The following EYS variants were observed in gnomAD, a reference collection of about 807,000 sequenced individuals.
EYS encodes the protein EGF-like photoreceptor maintenance factor, also known as protein eyes shut homolog.
EYS carries 250 observed loss-of-function variants against 282.1 expected under a neutral mutation model. That is an observed-to-expected ratio of 0.89 (90% CI 0.80 to 0.98). The LOEUF (loss-of-function observed/expected upper bound fraction) is 0.98. EYS is among the 50% of genes least tolerant of loss of function. The probability of loss-of-function intolerance (pLI) is 0.00; values close to 1 mark genes in which losing one functional copy is unlikely to be tolerated. For missense variants in EYS, 4,016 were observed against 3,709.0 expected (o/e 1.08, Z -2.15); for synonymous variants, 1,355 against 1,282.9 (o/e 1.06, Z -1.20).
chr6:65,296,986 G>A (rs1032114883), intron 11 of EYS, among the ~76,000 whole-genome samples: 1 of 151,574 alleles, frequency 6.6e-6, no homozygotes, highest in Non-Finnish European at 1.5e-5. Flanking sequence ...AAATACAGAC[G>A]TGCACAGAAA....
chr6:63,891,381 ATCCACG>A, intron 35 of EYS, among the ~76,000 whole-genome samples: 1 of 152,292 alleles, frequency 6.6e-6, no homozygotes, highest in Non-Finnish European at 1.5e-5. Flanking sequence ...TAAAAAGCTT[ATCCACG>A]ACCATCAAGT....
Position 63,720,584 on chromosome 6 carries a change from T to C in EYS, c.*12A>G. On this transcript the variant is annotated 3_prime_UTR_variant, in exon 43 of 43. Coordinates refer to ENST00000503581, the MANE Select transcript of EYS (RefSeq NM_001142800.2). ...TTTATGTATAGTGTGTACTAAAATC[T>C]CTAGTGTTAACTTATGTAACCTCAT... is the stretch of plus-strand genomic sequence containing the variant. The C allele has an allele frequency of 6.9e-7, 1 of 1,448,418 alleles. No homozygotes were observed. Among genetic ancestry groups the C allele is most frequent in the Non-Finnish European group, 9.2e-7 (1 of 1,091,686 alleles). The allele number at this position is 1,448,418 out of a possible 1,614,324, so 89.7% of individuals were successfully genotyped here.
intron 36 of EYS, among the ~76,000 whole-genome samples, chr6:63,820,249 CT>C (rs1771287385): frequency 1.3e-5 from 2 of 152,150 alleles, no homozygotes; most frequent in Non-Finnish European, 2.9e-5. Context: ...GCACCTTTTA[CT>C]TGTTGGCCAA....
At chr6:63,741,101 G>A (rs1769064231) in intron 41 of EYS, among the ~76,000 whole-genome samples, 1 of 152,154 alleles carries the variant, frequency 6.6e-6, no homozygotes, top group South Asian at 2.1e-4. Flanking sequence ...TAGCTTCAGG[G>A]ATGGTCAGAG....
chr6:64,599,227 C>G (rs145966939), intron 24 of EYS, among the ~76,000 whole-genome samples: 1 of 152,180 alleles, frequency 6.6e-6, no homozygotes, highest in East Asian at 1.9e-4. Flanking sequence ...ATAATATACA[C>G]TCAATGGAGC....
intron 15 of EYS, among the ~76,000 whole-genome samples, chr6:64,923,650 G>C (rs978063001): frequency 6.6e-6 from 1 of 152,174 alleles, no homozygotes; most frequent in African/African-American, 2.4e-5. Context: ...AGATACAGTG[G>C]GGGTACAGGT....
At chr6:64,643,161 T>A (rs1038358292) in intron 22 of EYS, among the ~76,000 whole-genome samples, 2 of 149,350 alleles carry the variant, frequency 1.3e-5, no homozygotes, top group Non-Finnish European at 3.0e-5. Flanking sequence ...ACTTTTCAAC[T>A]CCTCTTAGTT....
At chr6:64,125,461 G>C (rs1407608177) in intron 31 of EYS, among the ~76,000 whole-genome samples, 2 of 151,790 alleles carry the variant, frequency 1.3e-5, no homozygotes, top group South Asian at 2.1e-4. Context: ...GGCATGAAGG[G>C]AAGTGGAAGG....
At position 65,685,843 on chromosome 6, in the gene EYS, A is replaced by T. The variant is rs146896960; in HGVS notation, c.-448+21292T>A. ...AATGTTGCAATATATTCTCATTAAA[A>T]TTCTAATGCCTTCAATCCTCAAATT... On this transcript the variant is annotated intron_variant, in intron 1 of 42. Transcript: ENST00000503581. Among the ~76,000 whole-genome samples, 361 of 152,160 alleles carry T rather than the reference A, an allele frequency of 2.4e-3. 3 individuals are homozygous for T. The highest frequency in any genetic ancestry group is 8.2e-3 in the African/African-American group (339 of 41,554).
intron 13 of EYS, among the ~76,000 whole-genome samples, chr6:65,038,401 T>TA (rs1041299247): frequency 1.2e-4 from 18 of 151,564 alleles, no homozygotes; most frequent in African/African-American, 4.3e-4. Context: ...GAGAGAGTCT[T>TA]ATGTCAGTAG....
intron 30 of EYS, among the ~76,000 whole-genome samples, chr6:64,252,892 T>G (rs1767267978): frequency 6.6e-6 from 1 of 152,184 alleles, no homozygotes; most frequent in Admixed American, 6.6e-5. Context: ...TTCAGTGATT[T>G]TATCTATTTC....
At position 65,528,184 on chromosome 6, in the gene EYS, G is replaced by A. The variant is rs1767639497; in HGVS notation, c.-332-32191C>T. Among the ~76,000 whole-genome samples the A allele has an allele frequency of 2.6e-5, 4 of 152,224 alleles. No individual in the cohort carries two copies. The South Asian group carries it at 6.2e-4, about 24-fold the overall frequency. ...GTAGAAATAATTTATATTTCAAAAT[G>A]TCCATATTGTGGAATTCTCTCCTCA... On this transcript the variant is annotated intron_variant, in intron 2 of 42. Transcript: ENST00000503581.
At chr6:63,804,782 T>C (rs1377266494) in intron 37 of EYS, among the ~76,000 whole-genome samples, 1 of 152,192 alleles carries the variant, frequency 6.6e-6, no homozygotes, top group East Asian at 1.9e-4. Flanking sequence ...TCAGACATGA[T>C]CTAATAAACC....
At chr6:64,031,126 C>G (rs1037528135) in intron 33 of EYS, among the ~76,000 whole-genome samples, 10 of 152,244 alleles carry the variant, frequency 6.6e-5, no homozygotes, top group Non-Finnish European at 1.5e-4. Context: ...AAGGCCGGAG[C>G]TGGCTCCCTC....
intron 11 of EYS, among the ~76,000 whole-genome samples, chr6:65,310,538 TA>T (rs889703470): frequency 2.0e-5 from 3 of 151,800 alleles, no homozygotes; most frequent in Non-Finnish European, 4.4e-5. Context: ...AACAAGGAAA[TA>T]AAAAAACCCA....
chr6:65,079,488 C>T (rs1774156292), intron 12 of EYS, among the ~76,000 whole-genome samples: 1 of 151,686 alleles, frequency 6.6e-6, no homozygotes, highest in Admixed American at 6.6e-5. Context: ...TTAAGATGCC[C>T]TGTAAATATA....
chr6:65,045,684 T>G (rs1024303581), intron 13 of EYS, among the ~76,000 whole-genome samples: 1 of 151,804 alleles, frequency 6.6e-6, no homozygotes, highest in African/African-American at 2.4e-5. Flanking sequence ...TCCAGAACCA[T>G]GACAAATATG....
intron 29 of EYS, among the ~76,000 whole-genome samples, chr6:64,358,437 A>C (rs1326218736): frequency 1.3e-5 from 2 of 151,614 alleles, no homozygotes. Flanking sequence ...TTTGGGATGC[A>C]ATTCCTTCCC....
At chr6:63,896,931 T>C (rs1362833148) in intron 35 of EYS, among the ~76,000 whole-genome samples, 2 of 152,224 alleles carry the variant, frequency 1.3e-5, no homozygotes, top group African/African-American at 2.4e-5. Context: ...CCACAGTTTA[T>C]TCACCTACTG....
Sources: allele counts gnomAD v4.1 joint callset (sites outside exome capture counted in the v4.1 genomes callset), GRCh38; gene constraint gnomAD v4.1.1; transcripts MANE v1.5; gene names NCBI Gene and HGNC (gene_info 2026-07-23, HGNC 2026-07-21).